MINK1: variants seen among roughly 807,000 people sequenced by gnomAD.
MINK1 encodes the protein misshapen-like kinase 1.
MINK1 carries 46 observed loss-of-function variants against 178.4 expected under a neutral mutation model. The ratio of observed to expected loss-of-function variants is 0.26; its 90% CI spans 0.20 to 0.33. MINK1 has a LOEUF of 0.33. Among genes scored for constraint, MINK1 ranks in the 10% least tolerant of loss-of-function variants. The pLI, the probability that MINK1 is intolerant of heterozygous loss-of-function variation, is 1.00. For missense variants in MINK1, 1,366 were observed against 1,814.9 expected, an observed-to-expected ratio of 0.75 and a Z score of 4.49; for synonymous variants, 797 against 709.7, an observed-to-expected ratio of 1.12 and a Z score of -1.96.
At chr17:4,880,069 A>G (rs1001092193) in intron 2 of MINK1, among the ~76,000 whole-genome samples, 1 of 152,170 alleles carries the variant, frequency 6.6e-6, no homozygotes, top group Non-Finnish European at 1.5e-5. Context: ...CAGACTGTAG[A>G]AAGTCCAAGC....
intron 13 of MINK1, chr17:4,890,238 G>A: frequency 9.5e-7 from 1 of 1,052,382 alleles, no homozygotes; most frequent in South Asian, 1.9e-5. Context: ...ATTCGTCACA[G>A]GCTAGAGGAG....
Position 4,845,803 on chromosome 17 carries a change from G to A in MINK1, c.57+12163G>A, listed in dbSNP as rs112362149. ...CTACAGGCATGCGTCACCACGCCCAGCTAATTTTTGTATTTTTAGTAGAGA... is the reference window on the plus strand; with the variant it reads ...CTACAGGCATGCGTCACCACGCCCAACTAATTTTTGTATTTTTAGTAGAGA... On this transcript the variant is annotated intron_variant, in intron 1 of 31. Transcript: ENST00000355280. Among the ~76,000 whole-genome samples the A allele has an allele frequency of 8.5e-5, 13 of 152,264 alleles. 1 individual carries two copies. The highest frequency in any genetic ancestry group is 2.6e-4 in the African/African-American group (11 of 41,560).
Position 4,881,227 on chromosome 17 carries a change from G to A in MINK1, c.276G>A (p.Lys92=), listed in dbSNP as rs1464001604. The change falls in exon 4 of 32, where the codon AAG becomes AAA. Residue 92 remains lysine (K), a synonymous_variant. Transcript: ENST00000355280. The part of the protein sequence containing the change: ...IATYYGAFIK[K]SPPGNDDQLW... ...CCTACTACGGAGCCTTCATCAAGAA[G>A]AGCCCCCCGGGAAACGATGACCAGC... The A allele has an allele frequency of 7.8e-6, 12 of 1,537,076 alleles. No homozygotes were observed. Among genetic ancestry groups the A allele is most frequent in the Admixed American group, 3.9e-5 (2 of 50,976 alleles).
rs1969220824 is a variant in MINK1 at position 4,894,491 on chromosome 17, A to G, written c.2809-34A>G. The G allele has an allele frequency of 1.9e-6, 3 of 1,554,416 alleles. No homozygotes were observed. The highest frequency in any genetic ancestry group is 1.7e-6 in the Non-Finnish European group (2 of 1,144,570). ...GGGGCAGGGCCGCAGCTGGACTTGC[A>G]CTTGTTTGCCTGACTGCTGTCCCCC... is the stretch of plus-strand genomic sequence containing the variant. On this transcript the variant is annotated intron_variant, in intron 23 of 31. Transcript: ENST00000355280. This position sits in a 1 kb window ranked among gnomAD's most constrained non-coding sequence, Gnocchi z 4.1.
At chr17:4,883,618 G>A (rs1445552004) in intron 4 of MINK1, among the ~76,000 whole-genome samples, 1 of 150,980 alleles carries the variant, frequency 6.6e-6, no homozygotes, top group Non-Finnish European at 1.5e-5. Flanking sequence ...TGCAAGCTCC[G>A]CCTTCCGGGT....
rs1474447677 is a variant in MINK1 at position 4,885,143 on chromosome 17, C to G, written c.508+141C>G. On this transcript the variant is annotated intron_variant, in intron 6 of 31. Transcript: ENST00000355280. The surrounding 1 kb of genome is among the most constrained non-coding windows in gnomAD (Gnocchi z 5.0). ...ACTCCCTCCCCTTTCCCCTCTCCCC[C>G]TGGAATGCCCTGCCTCCTGCTGAAA... 1.3e-6 allele frequency: 1 copy of G among 769,074 alleles called. No homozygotes were observed. Among genetic ancestry groups the G allele is most frequent in the Non-Finnish European group, 2.1e-6 (1 of 474,186 alleles). The allele number at this position is 769,074 out of a possible 1,614,324, so 47.6% of individuals were successfully genotyped here.
At chr17:4,841,556 A>C in intron 1 of MINK1, among the ~76,000 whole-genome samples, 1 of 146,492 alleles carries the variant, frequency 6.8e-6, no homozygotes, top group African/African-American at 2.5e-5. Flanking sequence ...TACTGATCAC[A>C]TCATCCACTT....
intron 13 of MINK1, 106 bp from the exon 14 acceptor site, chr17:4,890,411 G>A (rs540038080): frequency 6.8e-7 from 1 of 1,476,182 alleles, no homozygotes; most frequent in East Asian, 2.5e-5. Context: ...AGGACATCAA[G>A]GGAATACATC....
chr17:4,846,098 A>T (rs746413319), intron 1 of MINK1, among the ~76,000 whole-genome samples: 15 of 152,196 alleles, frequency 9.9e-5, no homozygotes, highest in Non-Finnish European at 2.2e-4. Flanking sequence ...CCAGGAAGAG[A>T]GGAGGGCAGG....
chr17:4,896,159 C>T lies in MINK1; in HGVS notation c.3466-34C>T, dbSNP rs1207987472. 5 of 1,602,532 alleles carry T rather than the reference C, an allele frequency of 3.1e-6. No homozygotes were observed. The South Asian group carries it at 4.5e-5, about 14-fold the overall frequency. The stretch of plus-strand genomic sequence containing the variant: ...TGGAGTCCCAGCGCCTCTCCCCGTG[C>T]CCCTGAGCCCTCCTCTCCTCCGGTT... On this transcript the variant is annotated intron_variant, in intron 28 of 31. Transcript: ENST00000355280. This position sits in a 1 kb window ranked among gnomAD's most constrained non-coding sequence, Gnocchi z 4.6.
At position 4,853,499 on chromosome 17, in the gene MINK1, T is replaced by C. The variant is rs1427169414; in HGVS notation, c.57+19859T>C. On this transcript the variant is annotated intron_variant, in intron 1 of 31. Transcript: ENST00000355280. ...GTTGGTGGGGGAGTGTGGTTGTTGC[T>C]GTGTGCCATCGGAAGGCTATGCAAG... 2.6e-5 allele frequency among the ~76,000 whole-genome samples: 4 copies of C among 151,434 alleles called. No individual in the cohort carries two copies. In the East Asian group the frequency reaches 7.8e-4, roughly 30 times the overall value.
chr17:4,894,827 G>A lies in MINK1; in HGVS notation c.2917+194G>A, dbSNP rs754983201. 6.3e-6 allele frequency: 4 copies of A among 634,102 alleles called. No individual in the cohort carries two copies. Among genetic ancestry groups the A allele is most frequent in the African/African-American group, 5.5e-5 (3 of 54,466 alleles). 39.3% of individuals were successfully genotyped at this position (634,102 alleles called of 1,614,324 possible). ...CTTCCTGTCCCACAGGACAGGAAAT[G>A]CTCAGAGTTGCCAGGGGACCTGGGC... On this transcript the variant is annotated intron_variant, in intron 24 of 31. Coordinates refer to ENST00000355280, the MANE Select transcript of MINK1 (RefSeq NM_153827.5). This position sits in a 1 kb window ranked among gnomAD's most constrained non-coding sequence, Gnocchi z 4.1.
chr17:4,854,577 A>C (rs1365815486), intron 1 of MINK1, among the ~76,000 whole-genome samples: 3 of 152,204 alleles, frequency 2.0e-5, no homozygotes, highest in African/African-American at 7.2e-5. Flanking sequence ...GTGTGTGTGC[A>C]TGCGTGTGTC....
chr17:4,892,521 G>C lies in MINK1; in HGVS notation c.2198+9G>C. 1 of 1,549,816 alleles carries C rather than the reference G, an allele frequency of 6.5e-7. No individual in the cohort carries two copies. The highest frequency in any genetic ancestry group is 8.8e-7 in the Non-Finnish European group (1 of 1,142,372). ...CCGCCCAACGCCTCTAGGTAATAGA[G>C]TTGTCCCCCAACTCACTCTCACCTC... is the stretch of plus-strand genomic sequence containing the variant. On this transcript the variant is annotated intron_variant, in intron 18 of 31. Transcript: ENST00000355280.
intron 1 of MINK1, chr17:4,857,012 TC>T: frequency 5.5e-6 from 1 of 182,370 alleles, no homozygotes; most frequent in Non-Finnish European, 1.2e-5. Flanking sequence ...CTACAAATAG[TC>T]GGGGCTGCTG....
intron 1 of MINK1, among the ~76,000 whole-genome samples, chr17:4,869,368 CCA>C (rs1254050503): frequency 1.3e-5 from 2 of 151,866 alleles, no homozygotes; most frequent in South Asian, 2.1e-4. Context: ...CTTCCACCTC[CCA>C]GAGTCAAGCA....
At chr17:4,856,022 G>C (rs993980879) in intron 1 of MINK1, among the ~76,000 whole-genome samples, 3 of 151,718 alleles carry the variant, frequency 2.0e-5, no homozygotes, top group Admixed American at 2.0e-4. Context: ...ATGGACAGTA[G>C]GAAATTGATG....
In MINK1 at chr17:4,896,921, G is replaced by C. The variant is rs1273224455; in HGVS notation, c.3915+108G>C. ...TGGTGGTGGTGGCTTCCTGAAAGCG[G>C]GCCCCTCTGGGAGCTCAGAGGGCAG... is the stretch of plus-strand genomic sequence containing the variant. On this transcript the variant is annotated intron_variant, in intron 31 of 31. Coordinates refer to ENST00000355280, the MANE Select transcript of MINK1 (RefSeq NM_153827.5). This position sits in a 1 kb window ranked among gnomAD's most constrained non-coding sequence, Gnocchi z 4.6. 3.6e-5 allele frequency: 51 copies of C among 1,411,526 alleles called. No homozygotes were observed. Among genetic ancestry groups the C allele is most frequent in the Non-Finnish European group, 3.2e-5 (34 of 1,064,440 alleles). 87.4% of individuals were successfully genotyped at this position (1,411,526 alleles called of 1,614,324 possible).
At position 4,884,620 on chromosome 17, in the gene MINK1, G is replaced by C. The variant is rs574900318; in HGVS notation, c.417+147G>C. ...CTGATGCGGGTGGGATGTGGAAGCA[G>C]GGTCCACACCTTGGGAAGTCTCAGG... On this transcript the variant is annotated intron_variant, in intron 5 of 31. Coordinates refer to ENST00000355280, the MANE Select transcript of MINK1 (RefSeq NM_153827.5). The C allele has an allele frequency of 1.6e-3, 1,058 of 670,414 alleles. 2 individuals carry two copies. Among genetic ancestry groups the C allele is most frequent in the Non-Finnish European group, 1.4e-3 (539 of 385,182 alleles). The allele number at this position is 670,414 out of a possible 1,614,324, so 41.5% of individuals were successfully genotyped here. A position where few individuals can be genotyped will look rare whatever the true frequency, so the allele number is the denominator to read the frequency against.
Sources: allele counts gnomAD v4.1 joint callset (sites outside exome capture counted in the v4.1 genomes callset), GRCh38; gene constraint gnomAD v4.1.1; non-coding constraint Gnocchi (gnomAD v3.1); transcripts MANE v1.5; gene names NCBI Gene and HGNC (gene_info 2026-07-23, HGNC 2026-07-21).